Variants in DNAH1 observed in about 807,000 individuals in gnomAD.
DNAH1 encodes the protein axonemal beta dynein heavy chain 1.
DNAH1 carries 327 observed loss-of-function variants against 484.3 expected under a neutral mutation model. The observed-to-expected ratio is 0.68, with a 90% CI of 0.62 to 0.74. The LOEUF is 0.74. DNAH1 is among the 30% of genes least tolerant of loss of function. The pLI, the probability that DNAH1 is intolerant of heterozygous loss-of-function variation, is 0.00. For synonymous variants in DNAH1, 2,192 were observed against 2,191.9 expected, an observed-to-expected ratio of 1.00 and a Z score of 0.00; for missense variants, 5,052 against 5,546.8, an observed-to-expected ratio of 0.91 and a Z score of 2.83.
In DNAH1 at chr3:52,395,855, C is replaced by T. The variant is rs1578205888; in HGVS notation, c.11259+177C>T. Among the ~76,000 whole-genome samples the T allele has an allele frequency of 6.6e-6, 1 of 152,168 alleles. No homozygotes were observed. The highest frequency in any genetic ancestry group is 2.4e-5 in the African/African-American group (1 of 41,442). On this transcript the variant is annotated intron_variant, in intron 70 of 77. Coordinates refer to ENST00000420323, the MANE Select transcript of DNAH1 (RefSeq NM_015512.5). The surrounding 1 kb of genome is among the most constrained non-coding windows in gnomAD (Gnocchi z 4.4). ...ATCATTAATCCTCTCAATCCACCCC[C>T]ACCCCCAGTTACCTGTACAAGCGGT...
In DNAH1 at chr3:52,382,449, C is replaced by T. The variant is rs1163401442; in HGVS notation, c.7935C>T (p.Asp2645=). Residue 2645 remains aspartate, a synonymous_variant, in exon 50 of 78, where the codon GAC becomes GAT. Coordinates refer to ENST00000420323, the MANE Select transcript of DNAH1 (RefSeq NM_015512.5). ...TACCCATCACCTTCCTCTTCTCAGA[C>T]ACCCAGGTGCCACTGCCACAGCAGA... is the stretch of plus-strand genomic sequence containing the variant. ...QNLPITFLFS[D]TQIKNESFLE... 6.2e-7 allele frequency: 1 copy of T among 1,613,798 alleles called. No individual in the cohort carries two copies. Among genetic ancestry groups the T allele is most frequent in the South Asian group, 1.1e-5 (1 of 91,080 alleles).
upstream of DNAH1, among the ~76,000 whole-genome samples, chr3:52,311,809 G>A (rs181934540): frequency 7.2e-3 from 1,090 of 152,318 alleles, 5 homozygotes; most frequent in Non-Finnish European, 0.012. Flanking sequence ...GCATCAGGAC[G>A]AGACCTGTGA....
intron 66 of DNAH1, among the ~76,000 whole-genome samples, chr3:52,394,147 G>C (rs1329601604): frequency 1.3e-5 from 2 of 152,278 alleles, no homozygotes; most frequent in African/African-American, 4.8e-5. Context: ...GACAGTGAGA[G>C]TGACAGCCAC....
chr3:52,312,734 G>A (rs1281497481), upstream of DNAH1, among the ~76,000 whole-genome samples: 1 of 151,972 alleles, frequency 6.6e-6, no homozygotes, highest in Non-Finnish European at 1.5e-5. Flanking sequence ...CTCACTGCAA[G>A]CTCCGCCTCC....
At position 52,354,952 on chromosome 3, in the gene DNAH1, T is replaced by G. The variant is rs766179732; in HGVS notation, c.3590T>G (p.Leu1197Arg). The change falls in exon 21 of 78, where the codon CTG (leucine) becomes CGG (arginine). Residue 1197 changes from leucine (L) to arginine (R), a missense_variant. Physicochemically the swap from Leu to Arg is moderately radical, Grantham distance 102 (BLOSUM62 -2). Coordinates refer to ENST00000420323, the MANE Select transcript of DNAH1 (RefSeq NM_015512.5). ...LKSPDEASQLLDDHIVMTQNM... is the reference protein window; with the variant it reads ...LKSPDEASQLRDDHIVMTQNM... ...AGCCCGGACGAGGCCTCACAGCTGCTGGACGACCACATCGTCATGACCCAG... is the reference window on the plus strand; with the variant it reads ...AGCCCGGACGAGGCCTCACAGCTGCGGGACGACCACATCGTCATGACCCAG... 1 of 1,614,038 alleles carries G rather than the reference T, an allele frequency of 6.2e-7. No homozygotes were observed. The highest frequency in any genetic ancestry group is 1.7e-5 in the Admixed American group (1 of 60,036).
chr3:52,383,282 TG>T, intron 50 of DNAH1, 103 bp from the exon 51 acceptor site: 1 of 1,031,438 alleles, frequency 9.7e-7, no homozygotes, highest in Non-Finnish European at 1.5e-6. Flanking sequence ...TGAGCCTTAG[TG>T]GTACAGTCTG....
chr3:52,380,560 G>A (rs1318815129), intron 48 of DNAH1, among the ~76,000 whole-genome samples: 3 of 152,232 alleles, frequency 2.0e-5, no homozygotes, highest in Non-Finnish European at 4.4e-5. Flanking sequence ...TCCCACCAGG[G>A]TCACAGGGTC....
Position 52,385,666 on chromosome 3 carries a change from AG to A in DNAH1, c.8625+221del, listed in dbSNP as rs1386655186. ...CTGGGCAGGGGGTCGGTGAGGAGCA[AG>A]GCAGAGGAATCTGAACGATTCCAAT... On this transcript the variant is annotated intron_variant, in intron 54 of 77. Transcript: ENST00000420323. Among the ~76,000 whole-genome samples, 4 of 152,230 alleles carry A rather than the reference AG, an allele frequency of 2.6e-5. 1 individual carries two copies. The highest frequency in any genetic ancestry group is 2.6e-4 in the Admixed American group (4 of 15,290).
chr3:52,378,749 G>A lies in DNAH1; in HGVS notation c.7346G>A (p.Gly2449Asp). Reference protein sequence around the residue: ...NLRDLSKVFQGMLMADPAKVE... With the variant: ...NLRDLSKVFQDMLMADPAKVE... Reference sequence around the variant, plus strand: ...AGGGACCTCTCCAAGGTCTTCCAAGGCATGCTCATGGCTGACCCGGCCAAG... The same window carrying A: ...AGGGACCTCTCCAAGGTCTTCCAAGACATGCTCATGGCTGACCCGGCCAAG... The change falls in exon 47 of 78, where the codon GGC (glycine) becomes GAC (aspartate). Residue 2449 changes from glycine (G) to aspartate (D), a missense_variant. Coordinates refer to ENST00000420323, the MANE Select transcript of DNAH1 (RefSeq NM_015512.5). 2 of 1,613,730 alleles carry A rather than the reference G, an allele frequency of 1.2e-6. No homozygotes were observed. Among genetic ancestry groups the A allele is most frequent in the Non-Finnish European group, 1.7e-6 (2 of 1,179,878 alleles).
chr3:52,375,522 A>ACC, intron 45 of DNAH1, 109 bp downstream of exon 45: 1 of 1,224,996 alleles, frequency 8.2e-7, no homozygotes, highest in Non-Finnish European at 1.1e-6. Context: ...CCAAACCATG[A>ACC]CCGCAACCCT....
In DNAH1 at chr3:52,381,704, T is replaced by C. The variant is rs1490295686; in HGVS notation, c.7673T>C (p.Leu2558Pro). Residue 2558 changes from leucine to proline, a missense_variant, in exon 49 of 78, where the codon CTG becomes CCG. Physicochemically the swap from Leu to Pro is moderately conservative, Grantham distance 98. This residue lies in a region of DNAH1 where 2,929 missense variants were observed against 3,409.4 expected (regional missense o/e 0.86). Transcript: ENST00000420323. The surrounding 1 kb of genome is among the most constrained non-coding windows in gnomAD (Gnocchi z 4.1). Reference protein sequence around the residue: ...YNQINTAKLKLVLFMDAMSHI... With the variant: ...YNQINTAKLKPVLFMDAMSHI... ...CAGATCAACACGGCCAAGCTGAAGCTGGTCCTCTTCATGGACGCCATGAGC... is the reference window on the plus strand; with the variant it reads ...CAGATCAACACGGCCAAGCTGAAGCCGGTCCTCTTCATGGACGCCATGAGC... The C allele has an allele frequency of 1.9e-6, 3 of 1,607,478 alleles. No homozygotes were observed. The highest frequency in any genetic ancestry group is 1.6e-4 in the Middle Eastern group (1 of 6,062).
At chr3:52,357,818 CG>C (rs1174739403) in intron 23 of DNAH1, 79 bp from the exon 24 acceptor site, 4 of 1,576,206 alleles carry the variant, frequency 2.5e-6, no homozygotes, top group Non-Finnish European at 2.6e-6. Context: ...GGCTAGGGTG[CG>C]GGGATGTCAG....
intron 52 of DNAH1, among the ~76,000 whole-genome samples, 194 bp from the exon 53 acceptor site, chr3:52,384,592 G>C (rs1156823092): frequency 6.6e-6 from 1 of 152,196 alleles, no homozygotes; most frequent in East Asian, 1.9e-4. Context: ...GGACTTCCCT[G>C]GGCCTGGGGT....
Position 52,399,198 on chromosome 3 carries a change from C to G in DNAH1, c.12438C>G (p.Phe4146Leu), listed in dbSNP as rs756878149. 5 of 1,604,310 alleles carry G rather than the reference C, an allele frequency of 3.1e-6. No individual in the cohort carries two copies. Among genetic ancestry groups the G allele is most frequent in the Non-Finnish European group, 4.3e-6 (5 of 1,174,312 alleles). ...VISIDTISFD[F>L]KVMFEAPSEL... The stretch of plus-strand genomic sequence containing the variant: ...CCATTGACACCATCTCCTTTGATTT[C>G]AAGGTCTGGGCACAGCCAGGGCCAG... Residue 4146 changes from phenylalanine (F) to leucine (L), a missense_variant, in exon 76 of 78, where the codon TTC (phenylalanine) becomes TTG (leucine). By Grantham distance (22) the Phe-to-Leu change is conservative (BLOSUM62 0). Transcript: ENST00000420323.
Position 52,368,654 on chromosome 3 carries a change from C to A in DNAH1, c.5766-87C>A, listed in dbSNP as rs964953964. ...ATTGAAGGAAAGTAGAGCCCGCCCA[C>A]CCGGCGGCCAGGCTTCCCTGGGAGC... On this transcript the variant is annotated intron_variant, in intron 36 of 77. Coordinates refer to ENST00000420323, the MANE Select transcript of DNAH1 (RefSeq NM_015512.5). The surrounding 1 kb of genome is among the most constrained non-coding windows in gnomAD (Gnocchi z 4.4). 1.4e-6 allele frequency: 2 copies of A among 1,425,722 alleles called. No homozygotes were observed. The highest frequency in any genetic ancestry group is 1.9e-6 in the Non-Finnish European group (2 of 1,044,988). 88.3% of individuals were successfully genotyped at this position (1,425,722 alleles called of 1,614,324 possible). A position where few individuals can be genotyped will look rare whatever the true frequency, so the allele number is the denominator to read the frequency against.
intron 56 of DNAH1, among the ~76,000 whole-genome samples, chr3:52,387,853 C>T (rs1314835800): frequency 1.3e-5 from 2 of 152,182 alleles, no homozygotes; most frequent in African/African-American, 4.8e-5. Context: ...TGCTGATGGT[C>T]TTGCTTTCAG....
chr3:52,383,601 G>A lies in DNAH1; in HGVS notation c.8150+7G>A. The A allele has an allele frequency of 6.4e-7, 1 of 1,562,786 alleles. No homozygotes were observed. Among genetic ancestry groups the A allele is most frequent in the Non-Finnish European group, 8.7e-7 (1 of 1,151,028 alleles). On this transcript the variant is annotated splice_region_variant and intron_variant, in intron 51 of 77. Coordinates refer to ENST00000420323, the MANE Select transcript of DNAH1 (RefSeq NM_015512.5). ...ACATGGTGCTGTGCATGAGGTACAG[G>A]CAGCTGTCGCCAGGCTGCGCTGGGG...
Position 52,395,815 on chromosome 3 carries a change from G to A in DNAH1, c.11259+137G>A. 1 of 1,262,500 alleles carries A rather than the reference G, an allele frequency of 7.9e-7. No individual in the cohort carries two copies. The highest frequency in any genetic ancestry group is 1.1e-6 in the Non-Finnish European group (1 of 911,194). The allele number at this position is 1,262,500 out of a possible 1,614,324, so 78.2% of individuals were successfully genotyped here. Reference sequence around the variant, plus strand: ...GTGGCAAGTGCTCAGCAACTGACATGTGCCACACATCGACATCATTAATCC... The same window carrying A: ...GTGGCAAGTGCTCAGCAACTGACATATGCCACACATCGACATCATTAATCC... On this transcript the variant is annotated intron_variant, in intron 70 of 77. Coordinates refer to ENST00000420323, the MANE Select transcript of DNAH1 (RefSeq NM_015512.5). This position sits in a 1 kb window ranked among gnomAD's most constrained non-coding sequence, Gnocchi z 4.4.
rs1328932899 is a variant in DNAH1 at position 52,332,328 on chromosome 3, G to A, written c.1220G>A (p.Ser407Asn). 6 of 1,613,950 alleles carry A rather than the reference G, an allele frequency of 3.7e-6. No individual in the cohort carries two copies. The East Asian group carries it at 1.1e-4, about 30-fold the overall frequency. ...CMPSDGQHVI[S>N]EQSLSKIKQW... ...CCCTCTGACGGCCAGCATGTCATCA[G>A]TGAACAGAGCCTGAGCAAGATCAAG... Residue 407 changes from serine to asparagine, a missense_variant, in exon 8 of 78, where the codon AGT (serine) becomes AAT (asparagine). Ser to Asn is a conservative substitution (Grantham distance 46, BLOSUM62 1). Coordinates refer to ENST00000420323, the MANE Select transcript of DNAH1 (RefSeq NM_015512.5).
Sources: allele counts gnomAD v4.1 joint callset (sites outside exome capture counted in the v4.1 genomes callset), GRCh38; gene constraint gnomAD v4.1.1; regional missense constraint gnomAD v4.1.1; non-coding constraint Gnocchi (gnomAD v3.1); transcripts MANE v1.5; gene names NCBI Gene and HGNC (gene_info 2026-07-23, HGNC 2026-07-21).